SYMPK: variants seen among roughly 807,000 people sequenced by gnomAD.
SYMPK encodes symplekin.
In SYMPK, 49 loss-of-function variants were observed where a neutral mutation model predicts 136.4. That is an observed-to-expected ratio of 0.36 (90% CI 0.29 to 0.46). SYMPK has a LOEUF of 0.46. SYMPK is among the 20% of genes least tolerant of loss of function. SYMPK has a pLI of 1.00. For missense variants in SYMPK, 1,365 were observed against 1,690.0 expected, an observed-to-expected ratio of 0.81 and a Z score of 3.37; for synonymous variants, 766 against 713.0, an observed-to-expected ratio of 1.07 and a Z score of -1.19.
chr19:45,833,354 G>T (rs781374874), intron 11 of SYMPK, among the ~76,000 whole-genome samples: 8 of 152,068 alleles, frequency 5.3e-5, no homozygotes, highest in Non-Finnish European at 1.0e-4. Context: ...GAAATCCCAG[G>T]ACTTTCGGAG....
intron 12 of SYMPK, 163 bp from the exon 13 acceptor site, chr19:45,830,367 G>A: frequency 1.2e-6 from 1 of 812,566 alleles, no homozygotes. Flanking sequence ...TGTGGCGGTG[G>A]GTAAGAGGAA....
At position 45,815,707 on chromosome 19, in the gene SYMPK, G is replaced by C. The variant is rs765191582; in HGVS notation, c.3688-10C>G. ...CGCCCGCTGCCGTCTCCTGGTGACC[G>C]GGGAAGGAAAGGGCAGCCGGGTGGA... On this transcript the variant is annotated splice_polypyrimidine_tract_variant and intron_variant, in intron 26 of 26. Coordinates refer to ENST00000245934, the MANE Select transcript of SYMPK (RefSeq NM_004819.3). 13 of 1,607,878 alleles carry C rather than the reference G, an allele frequency of 8.1e-6. No homozygotes were observed. The highest frequency in any genetic ancestry group is 3.3e-5 in the South Asian group (3 of 90,332).
intron 9 of SYMPK, among the ~76,000 whole-genome samples, chr19:45,840,674 A>C (rs1403792715): frequency 2.0e-5 from 3 of 151,830 alleles, no homozygotes; most frequent in South Asian, 2.1e-4. Context: ...TAAAAAAAAA[A>C]AAACAAACAA....
At chr19:45,824,138 A>T (rs776064649) in intron 18 of SYMPK, 71 of 448,936 alleles carry the variant, frequency 1.6e-4, no homozygotes, top group Non-Finnish European at 2.8e-4. Flanking sequence ...TCTGTGGCTC[A>T]GACTTGACCT....
chr19:45,844,018 A>C lies in SYMPK; in HGVS notation c.847+12T>G. ...AGAGAAGGCAGGGGGAGGGGGGAGG[A>C]CAATGACCTACCATGCAGAGTTTCA... On this transcript the variant is annotated intron_variant, in intron 8 of 26. Coordinates refer to ENST00000245934, the MANE Select transcript of SYMPK (RefSeq NM_004819.3). The C allele has an allele frequency of 6.8e-7, 1 of 1,476,502 alleles. No individual in the cohort carries two copies. The highest frequency in any genetic ancestry group is 2.0e-5 in the Admixed American group (1 of 49,058). 91.5% of individuals were successfully genotyped at this position (1,476,502 alleles called of 1,614,324 possible).
At chr19:45,822,111 GCTT>G (rs1468774219) in intron 21 of SYMPK, among the ~76,000 whole-genome samples, 8 of 115,570 alleles carry the variant, frequency 6.9e-5, no homozygotes, top group Admixed American at 1.2e-4. Flanking sequence ...TGAAAGTTTT[GCTT>G]CTTTTTTTTT....
chr19:45,823,904 C>T (rs979156594), intron 18 of SYMPK, 29 bp from the exon 19 acceptor site: 30 of 1,597,244 alleles, frequency 1.9e-5, no homozygotes, highest in Admixed American at 1.0e-4. Flanking sequence ...ATGACCAGAC[C>T]CAGGGTGAGA....
intron 14 of SYMPK, 137 bp downstream of exon 14, chr19:45,828,833 G>A (rs1210891207): frequency 1.3e-6 from 1 of 797,564 alleles, no homozygotes; most frequent in Non-Finnish European, 2.0e-6. Context: ...GGGAGGAGGA[G>A]AGGAGACTTG....
intron 1 of SYMPK, among the ~76,000 whole-genome samples, chr19:45,857,133 G>A (rs1314511121): frequency 6.6e-6 from 1 of 151,508 alleles, no homozygotes; most frequent in East Asian, 1.9e-4. Context: ...ACAAGGCTGG[G>A]TGCGGTGGCT....
At chr19:45,842,610 A>G in intron 8 of SYMPK, 121 bp from the exon 9 acceptor site, 1 of 1,414,766 alleles carries the variant, frequency 7.1e-7, no homozygotes, top group Non-Finnish European at 9.5e-7. Flanking sequence ...AAGTTCCTTC[A>G]CCCTCAGATC....
chr19:45,832,558 A>G (rs2146317326), intron 11 of SYMPK, among the ~76,000 whole-genome samples: 1 of 152,312 alleles, frequency 6.6e-6, no homozygotes, highest in East Asian at 1.9e-4. Flanking sequence ...ACAAATATTC[A>G]CAGCAGCTTT....
At position 45,848,804 on chromosome 19, in the gene SYMPK, G is replaced by A. The variant is rs766252934; in HGVS notation, c.372C>T (p.Asn124=). The change falls in exon 6 of 27, where the codon AAC becomes AAT. Residue 124 remains asparagine (N), a synonymous_variant. Coordinates refer to ENST00000245934, the MANE Select transcript of SYMPK (RefSeq NM_004819.3). ...TGGTGAGGATAGCCTTCTTCACCACGTTCACATTCTCGTCCCTCAAGAGCA... is the reference window on the plus strand; with the variant it reads ...TGGTGAGGATAGCCTTCTTCACCACATTCACATTCTCGTCCCTCAAGAGCA... The part of the protein sequence containing the change: ...LNMLLRDENV[N]VVKKAILTMT... 12 of 1,613,890 alleles carry A rather than the reference G, an allele frequency of 7.4e-6. No homozygotes were observed. The highest frequency in any genetic ancestry group is 1.1e-5 in the South Asian group (1 of 91,076).
intron 6 of SYMPK, 31 bp downstream of exon 6, chr19:45,848,719 G>A (rs1209706040): frequency 6.2e-7 from 1 of 1,612,330 alleles, no homozygotes; most frequent in East Asian, 2.2e-5. Flanking sequence ...ATATCAGGCA[G>A]GATGGCCCTG....
chr19:45,816,830 G>C lies in SYMPK; in HGVS notation c.3226C>G (p.Leu1076Val). ...GGGGTGAAGGAGCGGACATGGGCCA[G>C]CAGGGGCTCCCGGAGCTCTGGGCAC... Reference protein sequence around the residue: ...DKCPELREPLLAHVRSFTPHQ... With the variant: ...DKCPELREPLVAHVRSFTPHQ... The change falls in exon 24 of 27, where the codon CTG becomes GTG. Residue 1076 changes from leucine to valine, a missense_variant. Around this residue, in one of 11 missense-constraint regions of SYMPK, gnomAD observed 341 missense variants for 270.5 expected, o/e 1.26. Transcript: ENST00000245934. The C allele has an allele frequency of 6.5e-7, 1 of 1,545,504 alleles. No individual in the cohort carries two copies. The highest frequency in any genetic ancestry group is 8.7e-7 in the Non-Finnish European group (1 of 1,145,202).
chr19:45,857,433 A>C (rs1245007952), intron 1 of SYMPK, among the ~76,000 whole-genome samples: 28 of 150,122 alleles, frequency 1.9e-4, no homozygotes, highest in African/African-American at 4.6e-4. Flanking sequence ...AAAAAAAAAA[A>C]ACACACACTA....
At position 45,848,290 on chromosome 19, in the gene SYMPK, C is replaced by T. The variant is rs374744515; in HGVS notation, c.427-289G>A. Reference sequence around the variant, plus strand: ...TAAAGGACTAACAGTGCTGACTTCACAAGGTGGTGGTGATTAAATGGATTC... The same window carrying T: ...TAAAGGACTAACAGTGCTGACTTCATAAGGTGGTGGTGATTAAATGGATTC... On this transcript the variant is annotated intron_variant, in intron 6 of 26. Transcript: ENST00000245934. Among the ~76,000 whole-genome samples, 22 of 152,328 alleles carry T rather than the reference C, an allele frequency of 1.4e-4. No homozygotes were observed. The South Asian group carries it at 3.9e-3, about 27-fold the overall frequency.
intron 8 of SYMPK, chr19:45,842,773 G>C (rs1971473143): frequency 2.0e-5 from 8 of 408,270 alleles, no homozygotes; most frequent in Non-Finnish European, 3.6e-5. Flanking sequence ...ATTCACATAT[G>C]CTTCGCTTGG....
At chr19:45,848,670 C>T (rs911819161) in intron 6 of SYMPK, 80 bp downstream of exon 6, 6 of 1,585,680 alleles carry the variant, frequency 3.8e-6, no homozygotes, top group African/African-American at 1.3e-5. Context: ...TGCTCGGATG[C>T]TGGTTTTGAA....
chr19:45,818,212 G>A (rs1486809857), intron 22 of SYMPK, 66 bp from the exon 23 acceptor site: 4 of 1,442,916 alleles, frequency 2.8e-6, no homozygotes, highest in Non-Finnish European at 2.8e-6. Context: ...TGGGAGTCCC[G>A]GCCTCTGCTG....
Sources: gnomAD v4.1 joint callset for allele counts (sites outside exome capture counted in the v4.1 genomes callset) on GRCh38, gnomAD v4.1.1 for gene constraint, gnomAD v4.1.1 regional missense constraint, MANE v1.5 for transcripts, NCBI Gene and HGNC (gene_info 2026-07-23, HGNC 2026-07-21) for gene names.